C17orf67: variants seen among roughly 807,000 people sequenced by gnomAD.
C17orf67 encodes the protein uncharacterized protein C17orf67.
In C17orf67, 12 loss-of-function variants were observed where a neutral mutation model predicts 11.2. That is an observed-to-expected ratio of 1.07 (90% CI 0.68 to 1.73). The LOEUF (loss-of-function observed/expected upper bound fraction) is 1.73, where lower values mean the gene tolerates loss of function less well. Ranked by LOEUF, C17orf67 falls within the 40% of genes most tolerant of loss-of-function variation. C17orf67 has a pLI of 0.00. For synonymous variants in C17orf67, 59 were observed against 46.9 expected, an observed-to-expected ratio of 1.26 and a Z score of -1.05; for missense variants, 115 against 113.5, an observed-to-expected ratio of 1.01 and a Z score of -0.06.
At chr17:56,828,657 G>A (rs1229216690) in intron 2 of C17orf67, among the ~76,000 whole-genome samples, 1 of 152,094 alleles carries the variant, frequency 6.6e-6, no homozygotes, top group Non-Finnish European at 1.5e-5. Flanking sequence ...TGAAGATTGG[G>A]AGCTCTGGTG....
At chr17:56,794,410 G>C (rs555781246) in intron 7 of C17orf67, among the ~76,000 whole-genome samples, 126 of 152,236 alleles carry the variant, frequency 8.3e-4, no homozygotes, top group African/African-American at 2.6e-3. Flanking sequence ...ATTTGGAAAG[G>C]GGGGAAGATG....
chr17:56,826,461 C>A (rs879485676), intron 2 of C17orf67, among the ~76,000 whole-genome samples: 13 of 152,128 alleles, frequency 8.5e-5, no homozygotes, highest in Admixed American at 2.6e-4. Context: ...TGTCTGAGGT[C>A]CAGGTTCTCT....
chr17:56,815,627 A>G, intron 5 of C17orf67, 129 bp downstream of exon 5: 1 of 696,800 alleles, frequency 1.4e-6, no homozygotes, highest in Non-Finnish European at 1.9e-6. Context: ...ATGGAAAAAT[A>G]AGAAAAGAAA....
intron 6 of C17orf67, among the ~76,000 whole-genome samples, chr17:56,809,905 C>G (rs1270600615): frequency 7.0e-6 from 1 of 141,888 alleles, no homozygotes; most frequent in Non-Finnish European, 1.5e-5. Flanking sequence ...TTACACACAC[C>G]CTTACACACA....
chr17:56,796,477 A>G (rs1245902351), intron 6 of C17orf67, among the ~76,000 whole-genome samples: 2 of 152,144 alleles, frequency 1.3e-5, no homozygotes, highest in Admixed American at 6.5e-5. Flanking sequence ...ACGGTGTATG[A>G]TTCTGTTCAT....
intron 7 of C17orf67, among the ~76,000 whole-genome samples, chr17:56,793,532 A>T (rs796999131): frequency 6.6e-6 from 1 of 152,226 alleles, no homozygotes; most frequent in South Asian, 2.1e-4. Context: ...TCAACTGCAC[A>T]ACAGTAATAA....
intron 6 of C17orf67, among the ~76,000 whole-genome samples, chr17:56,808,059 C>T (rs551775825): frequency 6.6e-6 from 1 of 152,248 alleles, no homozygotes; most frequent in Admixed American, 6.5e-5. Flanking sequence ...GAATCCTACT[C>T]TCCAAAATCT....
In C17orf67 at chr17:56,815,988, C is replaced by T. The variant is rs2144136538; in HGVS notation, c.-178G>A. 2.3e-6 allele frequency: 3 copies of T among 1,295,930 alleles called. No individual in the cohort carries two copies. The South Asian group carries it at 5.0e-5, about 21-fold the overall frequency. The allele number at this position is 1,295,930 out of a possible 1,614,324, so 80.3% of individuals were successfully genotyped here. ...GTAATGACCACTGAAATATTTTCCT[C>T]CGAATTCCTGTAAATTTTCATCCTG... On this transcript the variant is annotated 5_prime_UTR_variant, in exon 5 of 8. Coordinates refer to ENST00000397861, the MANE Select transcript of C17orf67 (RefSeq NM_001085430.4).
chr17:56,827,108 A>G (rs1469524045), intron 2 of C17orf67, among the ~76,000 whole-genome samples: 1 of 152,250 alleles, frequency 6.6e-6, no homozygotes, highest in African/African-American at 2.4e-5. Flanking sequence ...TCTTTAGTAT[A>G]TAACATTCTC....
intron 2 of C17orf67, among the ~76,000 whole-genome samples, chr17:56,827,262 GATTTT>G (rs774752258): frequency 7.2e-5 from 11 of 152,192 alleles, no homozygotes; most frequent in Non-Finnish European, 1.3e-4. Flanking sequence ...GAGACAAGTA[GATTTT>G]ATTTACAAAT....
At chr17:56,826,786 C>T (rs1007694739) in intron 2 of C17orf67, among the ~76,000 whole-genome samples, 1 of 152,238 alleles carries the variant, frequency 6.6e-6, no homozygotes, top group African/African-American at 2.4e-5. Flanking sequence ...ACAGTGATCT[C>T]AGTCCCACCA....
intron 6 of C17orf67, among the ~76,000 whole-genome samples, chr17:56,810,883 T>C (rs953740735): frequency 6.6e-6 from 1 of 152,264 alleles, no homozygotes; most frequent in Non-Finnish European, 1.5e-5. Flanking sequence ...TCTTTTTACA[T>C]GCCACTGACT....
In C17orf67 at chr17:56,833,064, C is replaced by CT. The variant is rs1301034106; in HGVS notation, c.-724dup. On this transcript the variant is annotated 5_prime_UTR_variant, in exon 2 of 8. Coordinates refer to ENST00000397861, the MANE Select transcript of C17orf67 (RefSeq NM_001085430.4). Reference sequence around the variant, plus strand: ...GTGTGTTTTCTTTCCATCTTTTATGCTAGAGGAAGTCCGCAAGCAACAAGT... The same window carrying CT: ...GTGTGTTTTCTTTCCATCTTTTATGCTTAGAGGAAGTCCGCAAGCAACAAGT... 1 of 152,218 alleles carries CT rather than the reference C, an allele frequency of 6.6e-6. No homozygotes were observed. Among genetic ancestry groups the CT allele is most frequent in the East Asian group, 1.9e-4 (1 of 5,200 alleles). 9.4% of individuals were successfully genotyped at this position (152,218 alleles called of 1,614,324 possible).
At chr17:56,802,757 G>A (rs1248117561) in intron 6 of C17orf67, among the ~76,000 whole-genome samples, 1 of 152,226 alleles carries the variant, frequency 6.6e-6, no homozygotes, top group Admixed American at 6.5e-5. Flanking sequence ...ATCTTTCCCA[G>A]GAACTGGTAC....
chr17:56,804,094 T>A (rs1034949751), intron 6 of C17orf67: 6 of 152,036 alleles, frequency 3.9e-5, no homozygotes, highest in African/African-American at 1.5e-4. Flanking sequence ...AGTGGGGGGG[T>A]GTAAATCAAA....
intron 6 of C17orf67, among the ~76,000 whole-genome samples, chr17:56,809,751 C>T (rs1275731863): frequency 2.7e-5 from 4 of 145,874 alleles, no homozygotes; most frequent in Non-Finnish European, 1.5e-5. Flanking sequence ...ACACATACAC[C>T]CTCACACACA....
Position 56,833,360 on chromosome 17 carries a change from G to T in C17orf67, c.-1001-18C>A, listed in dbSNP as rs1906301309. On this transcript the variant is annotated intron_variant, in intron 1 of 7. Transcript: ENST00000397861. ...ACCTGGGGCTGGACGACAGCAGCAG[G>T]AGGCGTGCTCCCATCTCCGGTAGTC... The T allele has an allele frequency of 1.9e-5, 3 of 153,944 alleles. No homozygotes were observed. In the South Asian group the frequency reaches 5.4e-4, roughly 28 times the overall value. 9.5% of individuals were successfully genotyped at this position (153,944 alleles called of 1,614,324 possible).
chr17:56,829,258 A>G (rs1016258755), intron 2 of C17orf67, among the ~76,000 whole-genome samples: 31 of 152,176 alleles, frequency 2.0e-4, no homozygotes, highest in African/African-American at 7.0e-4. Context: ...CCTGGGCAAC[A>G]AGAGCAAGAC....
At chr17:56,815,657 T>C in intron 5 of C17orf67, 99 bp downstream of exon 5, 50 of 973,244 alleles carry the variant, frequency 5.1e-5, no homozygotes, top group Non-Finnish European at 6.6e-5. Context: ...AATATCTATA[T>C]ACACTATATA....
Sources: allele counts gnomAD v4.1 joint callset (sites outside exome capture counted in the v4.1 genomes callset), GRCh38; gene constraint gnomAD v4.1.1; transcripts MANE v1.5; gene names NCBI Gene and HGNC (gene_info 2026-07-23, HGNC 2026-07-21).